The following REEP5 variants were observed in gnomAD, a reference collection of about 807,000 sequenced individuals.
The protein encoded by REEP5 is receptor expression-enhancing protein 5.
In REEP5, 24 loss-of-function variants were observed where a neutral mutation model predicts 22.4. The ratio of observed to expected loss-of-function variants is 1.07; its 90% CI spans 0.78 to 1.51. The LOEUF is 1.51. REEP5 is among the 40% of genes most tolerant of loss of function. REEP5 has a pLI of 0.00. For missense variants in REEP5, 252 were observed against 233.0 expected, an observed-to-expected ratio of 1.08 and a Z score of -0.53; for synonymous variants, 103 against 88.6, an observed-to-expected ratio of 1.16 and a Z score of -0.92.
At chr5:112,912,318 C>T (rs2150047231) in intron 2 of REEP5, among the ~76,000 whole-genome samples, 1 of 152,152 alleles carries the variant, frequency 6.6e-6, no homozygotes, top group Middle Eastern at 3.4e-3. Context: ...AGCCAAATGA[C>T]ATAAAATTAA....
Position 112,887,182 on chromosome 5 carries a change from C to T in REEP5, c.353G>A (p.Cys118Tyr), listed in dbSNP as rs768646780. Residue 118 changes from cysteine (C) to tyrosine (Y), a missense_variant and splice_region_variant, in exon 4 of 5, where the codon TGT becomes TAT. Physicochemically the swap from Cys to Tyr is radical, Grantham distance 194. Transcript: ENST00000379638. ...GGCCATGCACCACAACAGGAAGCCA[C>T]ACTGCACAGAAAAAGAGCCAGCATG... Reference protein sequence around the residue: ...SWFPFYYMLKCGFLLWCMAPS... With the variant: ...SWFPFYYMLKYGFLLWCMAPS... 1 of 1,585,658 alleles carries T rather than the reference C, an allele frequency of 6.3e-7. No individual in the cohort carries two copies. Among genetic ancestry groups the T allele is most frequent in the South Asian group, 1.1e-5 (1 of 88,302 alleles).
intron 4 of REEP5, among the ~76,000 whole-genome samples, chr5:112,880,011 G>T (rs974822474): frequency 2.0e-5 from 3 of 151,986 alleles, no homozygotes; most frequent in African/African-American, 7.3e-5. Context: ...ATACTAAATT[G>T]TTTTTAAAAT....
intron 2 of REEP5, among the ~76,000 whole-genome samples, chr5:112,908,437 G>A (rs774517139): frequency 6.6e-6 from 1 of 152,044 alleles, no homozygotes; most frequent in Non-Finnish European, 1.5e-5. Flanking sequence ...TTTCTCCTAT[G>A]AGACTAGTTT....
chr5:112,921,895 G>A, intron 1 of REEP5, 178 bp downstream of exon 1: 1 of 734,104 alleles, frequency 1.4e-6, no homozygotes, highest in Non-Finnish European at 2.0e-6. Context: ...GGCAGCCCCC[G>A]CGGGGTCCTC....
chr5:112,900,579 A>G (rs1001184590), intron 3 of REEP5, among the ~76,000 whole-genome samples: 2 of 152,082 alleles, frequency 1.3e-5, no homozygotes, highest in African/African-American at 2.4e-5. Context: ...CTTCCTTTTG[A>G]TGCTGCTTTG....
intron 2 of REEP5, among the ~76,000 whole-genome samples, chr5:112,913,951 T>C (rs112014164): frequency 2.0e-5 from 3 of 151,618 alleles, no homozygotes; most frequent in African/African-American, 7.3e-5. Context: ...CCCAGGAGTT[T>C]GAGACCAGCC....
chr5:112,882,426 T>G (rs1457850125), intron 4 of REEP5, among the ~76,000 whole-genome samples: 1 of 152,196 alleles, frequency 6.6e-6, no homozygotes, highest in Non-Finnish European at 1.5e-5. Flanking sequence ...CATTAACCAC[T>G]CCACAGTCCC....
At chr5:112,921,497 G>A (rs1561662602) in intron 1 of REEP5, 5 of 555,888 alleles carry the variant, frequency 9.0e-6, no homozygotes, top group African/African-American at 1.9e-5. Context: ...AGGGGGCCCC[G>A]GCGCTTTGCG....
intron 4 of REEP5, among the ~76,000 whole-genome samples, chr5:112,880,777 C>A (rs1191290532): frequency 6.6e-6 from 1 of 152,116 alleles, no homozygotes; most frequent in Non-Finnish European, 1.5e-5. Context: ...AATGACATCA[C>A]CACAGGTTGC....
At chr5:112,896,467 G>A (rs912936794) in intron 3 of REEP5, 2 of 152,076 alleles carry the variant, frequency 1.3e-5, no homozygotes, top group Admixed American at 6.5e-5. Context: ...AGGTTGCAGT[G>A]AGCAGAGATC....
chr5:112,920,665 T>A lies in REEP5; in HGVS notation c.212+498A>T, dbSNP rs1446565753. Among the ~76,000 whole-genome samples, 3 of 152,200 alleles carry A rather than the reference T, an allele frequency of 2.0e-5. No individual in the cohort carries two copies. The East Asian group carries it at 5.8e-4, about 29-fold the overall frequency. ...TACACTAGGGTAAGCATTTCCCAAG[T>A]TTGTCTGTAACATGTGGCTTTTTCA... On this transcript the variant is annotated intron_variant, in intron 2 of 4. Coordinates refer to ENST00000379638, the MANE Select transcript of REEP5 (RefSeq NM_005669.5).
intron 3 of REEP5, chr5:112,892,292 A>G (rs778699193): frequency 6.8e-6 from 11 of 1,614,032 alleles, no homozygotes; most frequent in Non-Finnish European, 7.6e-6. Flanking sequence ...GGAATGGAGC[A>G]GTGCAGGAGG....
chr5:112,898,049 A>C (rs1353350562), intron 3 of REEP5: 1 of 152,116 alleles, frequency 6.6e-6, no homozygotes, highest in African/African-American at 2.4e-5. Flanking sequence ...ACAGAGCAAC[A>C]CTCTGTCCCA....
intron 3 of REEP5, 72 bp downstream of exon 3, chr5:112,902,308 T>G (rs192480575): frequency 2.8e-5 from 40 of 1,428,534 alleles, no homozygotes; most frequent in Non-Finnish European, 3.4e-5. Flanking sequence ...ATGCACAACA[T>G]TCAAGCATTT....
intron 1 of REEP5, 40 bp from the exon 2 acceptor site, chr5:112,921,296 G>C (rs756361054): frequency 4.4e-6 from 7 of 1,599,654 alleles, no homozygotes; most frequent in East Asian, 4.5e-5. Flanking sequence ...GGCAGCATGA[G>C]AGCCGTTCAC....
At chr5:112,892,687 G>A (rs767938630) in intron 3 of REEP5, 3 of 1,614,014 alleles carry the variant, frequency 1.9e-6, no homozygotes, top group South Asian at 2.2e-5. Context: ...AGCTAATAGA[G>A]ACATCTACTT....
At chr5:112,879,377 C>T (rs1236134860) in intron 4 of REEP5, among the ~76,000 whole-genome samples, 1 of 151,982 alleles carries the variant, frequency 6.6e-6, no homozygotes, top group African/African-American at 2.4e-5. Context: ...TTCCAGGAAC[C>T]CTACAGATAC....
chr5:112,892,643 A>G (rs781550372), intron 3 of REEP5: 1 of 1,614,034 alleles, frequency 6.2e-7, no homozygotes, highest in Non-Finnish European at 8.5e-7. Flanking sequence ...AACTTTCTTC[A>G]TGTGTTCAGA....
intron 2 of REEP5, among the ~76,000 whole-genome samples, chr5:112,918,578 G>A (rs1398717455): frequency 6.6e-6 from 1 of 152,220 alleles, no homozygotes; most frequent in Non-Finnish European, 1.5e-5. Flanking sequence ...CAATAGTTTG[G>A]CAAGATCGCG....
Sources: gnomAD v4.1 joint callset for allele counts (sites outside exome capture counted in the v4.1 genomes callset) on GRCh38, gnomAD v4.1.1 for gene constraint, MANE v1.5 for transcripts, NCBI Gene and HGNC (gene_info 2026-07-23, HGNC 2026-07-21) for gene names.